Variants in TCF12 observed in about 807,000 individuals in gnomAD.
TCF12 encodes transcription factor 12.
In TCF12, 45 loss-of-function variants were observed where a neutral mutation model predicts 86.0. The ratio of observed to expected loss-of-function variants is 0.52; its 90% CI spans 0.41 to 0.67. The LOEUF (loss-of-function observed/expected upper bound fraction) is 0.67. Among genes scored for constraint, TCF12 ranks in the 30% least tolerant of loss-of-function variants. The pLI, the probability that TCF12 is intolerant of heterozygous loss-of-function variation, is 0.00. For synonymous variants in TCF12, 330 were observed against 299.6 expected (o/e 1.10, Z -1.05); for missense variants, 881 against 859.9 (o/e 1.02, Z -0.31).
intron 4 of TCF12, among the ~76,000 whole-genome samples, chr15:57,066,332 ATTT>A (rs1212301684): frequency 6.6e-6 from 1 of 152,160 alleles, no homozygotes; most frequent in African/African-American, 2.4e-5. Context: ...TTAAATTCTT[ATTT>A]AAGTACATTG....
intron 4 of TCF12, among the ~76,000 whole-genome samples, chr15:57,083,723 T>C (rs1321813227): frequency 6.6e-6 from 1 of 152,170 alleles, no homozygotes; most frequent in Admixed American, 6.5e-5. Flanking sequence ...TAGCTGGGAC[T>C]ATAGGTGTAT....
At chr15:56,985,713 A>T (rs1292073641) in intron 3 of TCF12, among the ~76,000 whole-genome samples, 1 of 152,160 alleles carries the variant, frequency 6.6e-6, no homozygotes, top group Non-Finnish European at 1.5e-5. Context: ...CTACCTAATG[A>T]AATCTAGTTT....
At chr15:57,283,690 G>A (rs1225049675) in intron 20 of TCF12, among the ~76,000 whole-genome samples, 1 of 152,168 alleles carries the variant, frequency 6.6e-6, no homozygotes, top group African/African-American at 2.4e-5. Context: ...AATATCAAGT[G>A]CAGTTTCATT....
At chr15:57,167,745 G>A (rs1283354736) in intron 6 of TCF12, among the ~76,000 whole-genome samples, 1 of 152,152 alleles carries the variant, frequency 6.6e-6, no homozygotes, top group African/African-American at 2.4e-5. Flanking sequence ...GGTAGTTACT[G>A]GACCAACACT....
chr15:57,000,052 A>T (rs1377717580), intron 3 of TCF12, among the ~76,000 whole-genome samples: 1 of 151,458 alleles, frequency 6.6e-6, no homozygotes, highest in African/African-American at 2.4e-5. Flanking sequence ...TCTCTTGTTC[A>T]TAACTAGGAG....
chr15:57,228,812 T>A (rs1217712944), intron 8 of TCF12, among the ~76,000 whole-genome samples: 1 of 152,036 alleles, frequency 6.6e-6, no homozygotes, highest in Non-Finnish European at 1.5e-5. Flanking sequence ...TATAAATTGA[T>A]AAATTATGTA....
At chr15:57,049,315 G>A (rs1445890349) in intron 3 of TCF12, among the ~76,000 whole-genome samples, 9 of 152,068 alleles carry the variant, frequency 5.9e-5, no homozygotes, top group Admixed American at 3.9e-4. Flanking sequence ...AGATACTTCC[G>A]TCTGCTTCCC....
At chr15:57,123,723 G>C (rs1325641691) in intron 5 of TCF12, among the ~76,000 whole-genome samples, 3 of 151,662 alleles carry the variant, frequency 2.0e-5, no homozygotes, top group Non-Finnish European at 4.4e-5. Flanking sequence ...AGGCCGAGGC[G>C]GGTGGATCAC....
chr15:57,231,417 T>C (rs991650717), intron 9 of TCF12, among the ~76,000 whole-genome samples, 160 bp downstream of exon 9: 1 of 152,180 alleles, frequency 6.6e-6, no homozygotes, highest in Non-Finnish European at 1.5e-5. Flanking sequence ...GTGGTGTTTA[T>C]TGCTGACTGC....
chr15:57,231,885 TTC>T (rs1438613172), intron 9 of TCF12, among the ~76,000 whole-genome samples: 2 of 152,220 alleles, frequency 1.3e-5, no homozygotes, highest in African/African-American at 4.8e-5. Context: ...TTAGAAAAAC[TTC>T]TTTGTTCCAC....
At chr15:57,077,938 G>T (rs938550101) in intron 4 of TCF12, among the ~76,000 whole-genome samples, 12 of 151,954 alleles carry the variant, frequency 7.9e-5, no homozygotes, top group Admixed American at 2.0e-4. Flanking sequence ...CACATTTATT[G>T]TCTCGTCTAT....
chr15:56,981,053 G>T (rs2062865839), intron 3 of TCF12, among the ~76,000 whole-genome samples: 1 of 152,152 alleles, frequency 6.6e-6, no homozygotes, highest in Non-Finnish European at 1.5e-5. Context: ...ATAAATTCCG[G>T]ACTAATGATG....
At chr15:56,928,606 A>G (rs1277960816) in intron 3 of TCF12, among the ~76,000 whole-genome samples, 3 of 152,170 alleles carry the variant, frequency 2.0e-5, no homozygotes, top group Non-Finnish European at 2.9e-5. Context: ...GTCATGAAGT[A>G]CCCAGGAACC....
Position 57,101,120 on chromosome 15 carries a change from G to A in TCF12, c.325+9229G>A, listed in dbSNP as rs573082459. On this transcript the variant is annotated intron_variant, in intron 5 of 20. Coordinates refer to ENST00000333725, the MANE Select transcript of TCF12 (RefSeq NM_207037.2). ...TTGCCTTTCATAATTCATGGTTTTT[G>A]TGACTTCCAGTTTGGTATTTGTTGT... 3.3e-5 allele frequency among the ~76,000 whole-genome samples: 5 copies of A among 152,096 alleles called. 1 individual carries two copies. The East Asian group carries it at 7.7e-4, about 24-fold the overall frequency.
chr15:57,213,207 T>C (rs1472486409), intron 8 of TCF12, among the ~76,000 whole-genome samples: 1 of 152,206 alleles, frequency 6.6e-6, no homozygotes, highest in Non-Finnish European at 1.5e-5. Flanking sequence ...GTCACTCTTC[T>C]TAGATGTCTT....
chr15:57,197,907 C>T, intron 8 of TCF12, 82 bp downstream of exon 8: 5 of 1,377,730 alleles, frequency 3.6e-6, no homozygotes, highest in East Asian at 2.3e-5. Flanking sequence ...AGGGTACATT[C>T]GATTGATGCG....
intron 3 of TCF12, among the ~76,000 whole-genome samples, chr15:56,962,649 C>T (rs1047389400): frequency 6.6e-6 from 1 of 152,110 alleles, no homozygotes; most frequent in African/African-American, 2.4e-5. Flanking sequence ...AGTGATGTAA[C>T]CTACTTAGGC....
At chr15:56,981,175 A>G (rs190572449) in intron 3 of TCF12, among the ~76,000 whole-genome samples, 1 of 152,318 alleles carries the variant, frequency 6.6e-6, no homozygotes, top group East Asian at 1.9e-4. Context: ...AGTTTACTAT[A>G]TATCTTGGTT....
chr15:57,187,097 T>C (rs1680131201), intron 6 of TCF12, among the ~76,000 whole-genome samples: 1 of 151,998 alleles, frequency 6.6e-6, no homozygotes, highest in African/African-American at 2.4e-5. Context: ...CAAGAATTGC[T>C]TGAACCTGGA....
Sources: gnomAD v4.1 joint callset for allele counts (sites outside exome capture counted in the v4.1 genomes callset) on GRCh38, gnomAD v4.1.1 for gene constraint, MANE v1.5 for transcripts, NCBI Gene and HGNC (gene_info 2026-07-23, HGNC 2026-07-21) for gene names.